CYTH1: variants seen among roughly 807,000 people sequenced by gnomAD.
CYTH1 encodes cytohesin-1.
In CYTH1, 18 loss-of-function variants were observed where a neutral mutation model predicts 61.8. The ratio of observed to expected loss-of-function variants is 0.29; its 90% confidence interval spans 0.20 to 0.43. The LOEUF (loss-of-function observed/expected upper bound fraction) is 0.43. Among genes scored for constraint, CYTH1 ranks in the 20% least tolerant of loss-of-function variants. The pLI is 1.00. For synonymous variants in CYTH1, 174 were observed against 184.3 expected (o/e 0.94, Z 0.45); for missense variants, 336 against 510.5 (o/e 0.66, Z 3.29).
chr17:78,716,570 C>G (rs922491976), intron 1 of CYTH1, among the ~76,000 whole-genome samples: 2 of 152,212 alleles, frequency 1.3e-5, no homozygotes, highest in African/African-American at 4.8e-5. Flanking sequence ...TGCTCCCCTT[C>G]TGGCTCAACC....
intron 1 of CYTH1, among the ~76,000 whole-genome samples, chr17:78,756,364 C>G (rs888012999): frequency 6.6e-6 from 1 of 152,120 alleles, no homozygotes; most frequent in Admixed American, 6.6e-5. Flanking sequence ...GCATGAGCCA[C>G]CGCGCCCAGC....
intron 1 of CYTH1, among the ~76,000 whole-genome samples, chr17:78,754,212 G>A (rs919928316): frequency 6.6e-6 from 1 of 152,164 alleles, no homozygotes; most frequent in African/African-American, 2.4e-5. Flanking sequence ...AAGAGCAACT[G>A]TCTTCTCTGA....
chr17:78,702,155 T>C lies in CYTH1; in HGVS notation c.323A>G (p.Asn108Ser). ...AQFLYKGEGL[N>S]KTAIGDYLGE... ...TAGGTAGTCGCCGATGGCTGTCTTG[T>C]TGAGCCCTTCGCCTTTATATAAGAA... Residue 108 changes from asparagine (N) to serine (S), a missense_variant, in exon 5 of 14, where the codon AAC becomes AGC. Around this residue, in one of 4 missense-constraint regions of CYTH1, gnomAD observed 125 missense variants for 209.9 expected, o/e 0.60. Transcript: ENST00000446868. The C allele has an allele frequency of 6.2e-7, 1 of 1,614,230 alleles. No individual in the cohort carries two copies. The highest frequency in any genetic ancestry group is 8.5e-7 in the Non-Finnish European group (1 of 1,180,030).
At chr17:78,687,178 G>A (rs2092825537) in intron 11 of CYTH1, among the ~76,000 whole-genome samples, 1 of 151,794 alleles carries the variant, frequency 6.6e-6, no homozygotes, top group Non-Finnish European at 1.5e-5. Flanking sequence ...ATCAATGGGA[G>A]CCCTGAGCTT....
intron 1 of CYTH1, among the ~76,000 whole-genome samples, chr17:78,722,455 C>G (rs1450619422): frequency 6.6e-6 from 1 of 152,176 alleles, no homozygotes; most frequent in East Asian, 1.9e-4. Flanking sequence ...GTTCCCTCTT[C>G]CTCCAAACAA....
chr17:78,679,026 A>C (rs1254825181), intron 13 of CYTH1, among the ~76,000 whole-genome samples: 1 of 152,214 alleles, frequency 6.6e-6, no homozygotes, highest in Admixed American at 6.5e-5. Context: ...CTCCATCATC[A>C]CATCATCTCC....
chr17:78,757,106 C>T (rs2093404887), intron 1 of CYTH1, among the ~76,000 whole-genome samples: 1 of 150,894 alleles, frequency 6.6e-6, no homozygotes, highest in Non-Finnish European at 1.5e-5. Context: ...CGCCACCATA[C>T]CCAGCTAATT....
chr17:78,690,428 A>AG (rs1567831420), intron 11 of CYTH1, among the ~76,000 whole-genome samples: 5 of 142,200 alleles, frequency 3.5e-5, no homozygotes, highest in Middle Eastern at 3.7e-3. Flanking sequence ...AAAAAAAAAA[A>AG]AAAGAAATGT....
chr17:78,712,091 A>G (rs2093138551), intron 1 of CYTH1, among the ~76,000 whole-genome samples: 1 of 137,484 alleles, frequency 7.3e-6, no homozygotes, highest in Non-Finnish European at 1.6e-5. Context: ...GAAGGAAAGA[A>G]GGAAAGAAGG....
At chr17:78,682,456 C>T (rs2092773689) in intron 11 of CYTH1, among the ~76,000 whole-genome samples, 1 of 152,182 alleles carries the variant, frequency 6.6e-6, no homozygotes, top group Non-Finnish European at 1.5e-5. Context: ...ACTGCTTCAT[C>T]CTTAACCTCA....
rs2093016064 is a variant in CYTH1 at position 78,702,065 on chromosome 17, CTTT to C, written c.356+54_356+56del. ...CTTCAGAGTATTTGGGAGTTTGTTTCTTTGTGTCGTTCCTGAACAGCCTTCCCT... is the reference window on the plus strand; with the variant it reads ...CTTCAGAGTATTTGGGAGTTTGTTTCGTGTCGTTCCTGAACAGCCTTCCCT... On this transcript the variant is annotated intron_variant, in intron 5 of 13. Coordinates refer to ENST00000446868, the MANE Select transcript of CYTH1 (RefSeq NM_004762.6). 4 of 1,395,220 alleles carry C rather than the reference CTTT, an allele frequency of 2.9e-6. No homozygotes were observed. The Admixed American group carries it at 5.4e-5, about 19-fold the overall frequency. The allele number at this position is 1,395,220 out of a possible 1,614,324, so 86.4% of individuals were successfully genotyped here.
chr17:78,701,672 G>A lies in CYTH1; in HGVS notation c.436C>T (p.Arg146Trp). The A allele has an allele frequency of 6.2e-7, 1 of 1,614,086 alleles. No individual in the cohort carries two copies. Among genetic ancestry groups the A allele is most frequent in the Non-Finnish European group, 8.5e-7 (1 of 1,179,968 alleles). The change falls in exon 6 of 14, where the codon CGG becomes TGG. Residue 146 changes from arginine to tryptophan, a missense_variant and splice_region_variant. Physicochemically the swap from Arg to Trp is moderately radical, Grantham distance 101 (BLOSUM62 -3). Coordinates refer to ENST00000446868, the MANE Select transcript of CYTH1 (RefSeq NM_004762.6). ...GGGGCTCACCTCAAGAATACTCACCGTAGTGCCTGGACGAGATTAAGATCA... is the reference window on the plus strand; with the variant it reads ...GGGGCTCACCTCAAGAATACTCACCATAGTGCCTGGACGAGATTAAGATCA... The part of the protein sequence containing the change: ...FTDLNLVQAL[R>W]QFLWSFRLPG...
At chr17:78,760,386 C>CATATATATATGTGTATATATATATATAT (rs2093418144) in intron 1 of CYTH1, among the ~76,000 whole-genome samples, 1 of 42,690 alleles carries the variant, frequency 2.3e-5, no homozygotes, top group Non-Finnish European at 4.3e-5. Flanking sequence ...TATATATATA[C>CATATATATATGTGTATATATATATATAT]ACACACATAC....
At chr17:78,750,252 A>G (rs1285068462) in intron 1 of CYTH1, among the ~76,000 whole-genome samples, 1 of 152,220 alleles carries the variant, frequency 6.6e-6, no homozygotes, top group African/African-American at 2.4e-5. Flanking sequence ...AGAACAAGAG[A>G]AAGGGAAGGC....
At chr17:78,728,094 C>T (rs528425752) in intron 1 of CYTH1, 47 of 157,978 alleles carry the variant, frequency 3.0e-4, no homozygotes, top group Non-Finnish European at 4.8e-4. Context: ...TATTCTACCC[C>T]AAACACTGGT....
rs2092961883 is a variant in CYTH1, at chr17:78,698,132, T to C, written c.811+137A>G. ...GAATGTGTGTGAACATGCATGCGCG[T>C]GCACACACACGCACGCGCACACATG... On this transcript the variant is annotated intron_variant, in intron 9 of 13. Coordinates refer to ENST00000446868, the MANE Select transcript of CYTH1 (RefSeq NM_004762.6). The C allele has an allele frequency of 5.3e-6, 4 of 747,886 alleles. No homozygotes were observed. The Admixed American group carries it at 1.0e-4, about 19-fold the overall frequency. The allele number at this position is 747,886 out of a possible 1,614,324, so 46.3% of individuals were successfully genotyped here. A position where few individuals can be genotyped will look rare whatever the true frequency, so the allele number is the denominator to read the frequency against.
At chr17:78,755,233 T>C (rs1200927423) in intron 1 of CYTH1, among the ~76,000 whole-genome samples, 1 of 152,134 alleles carries the variant, frequency 6.6e-6, no homozygotes, top group Non-Finnish European at 1.5e-5. Flanking sequence ...TGGAGTGCAA[T>C]AGCGCAATCT....
intron 10 of CYTH1, among the ~76,000 whole-genome samples, chr17:78,693,041 A>G (rs565811211): frequency 1.4e-4 from 21 of 152,288 alleles, no homozygotes; most frequent in Admixed American, 1.2e-3. Flanking sequence ...CTTCACCTTC[A>G]TGATTACAGT....
At chr17:78,681,541 C>T (rs1205606403) in intron 11 of CYTH1, among the ~76,000 whole-genome samples, 1 of 152,176 alleles carries the variant, frequency 6.6e-6, no homozygotes, top group African/African-American at 2.4e-5. Context: ...CACTGCCATC[C>T]TGACAACTCC....
Sources: gnomAD v4.1 joint callset for allele counts (sites outside exome capture counted in the v4.1 genomes callset) on GRCh38, gnomAD v4.1.1 for gene constraint, gnomAD v4.1.1 regional missense constraint, MANE v1.5 for transcripts, NCBI Gene and HGNC (gene_info 2026-07-23, HGNC 2026-07-21) for gene names.